Variants in HS6ST2 observed in about 807,000 individuals in gnomAD.
The protein encoded by HS6ST2 is heparan sulfate 6-O-sulfotransferase 2.
HS6ST2 carries 17 observed loss-of-function variants against 33.0 expected under a neutral mutation model. That is an observed-to-expected ratio of 0.52 (90% CI 0.35 to 0.77). The LOEUF is 0.77. Among genes scored for constraint, HS6ST2 ranks in the 30% least tolerant of loss-of-function variants. The probability of loss-of-function intolerance (pLI) is 0.01; values close to 1 mark genes in which losing one functional copy is unlikely to be tolerated. For missense variants in HS6ST2, 519 were observed against 551.7 expected, an observed-to-expected ratio of 0.94 and a Z score of 0.59; for synonymous variants, 248 against 237.1, an observed-to-expected ratio of 1.05 and a Z score of -0.42.
At chrX:132,952,057 T>G (rs1167912837) in intron 2 of HS6ST2, among the ~76,000 whole-genome samples, 1 of 112,001 alleles carries the variant, frequency 8.9e-6, no homozygotes, top group Non-Finnish European at 1.9e-5. Flanking sequence ...TGTCATTACA[T>G]ACTACCTCAG....
chrX:132,674,308 T>C (rs1256830650), intron 3 of HS6ST2, among the ~76,000 whole-genome samples: 1 of 112,095 alleles, frequency 8.9e-6, no homozygotes, highest in Non-Finnish European at 1.9e-5. Context: ...AATCCCAGGT[T>C]CTAATCCTGG....
At chrX:132,645,838 CCTCTTT>C (rs1449457238) in intron 4 of HS6ST2, among the ~76,000 whole-genome samples, 1 of 111,698 alleles carries the variant, frequency 9.0e-6, no homozygotes, top group African/African-American at 3.3e-5. Context: ...GGAATAGCAC[CCTCTTT>C]CTCTTCTACT....
chrX:132,684,919 C>T (rs998020605), intron 3 of HS6ST2, among the ~76,000 whole-genome samples: 1 of 111,823 alleles, frequency 8.9e-6, no homozygotes, highest in African/African-American at 3.3e-5. Context: ...CTAGCAATTC[C>T]TCATGAAACC....
At chrX:132,946,794 G>A (rs934792980) in intron 2 of HS6ST2, among the ~76,000 whole-genome samples, 7 of 111,759 alleles carry the variant, frequency 6.3e-5, no homozygotes, top group African/African-American at 9.7e-5. Flanking sequence ...GAGGGTTGTC[G>A]TGAGAATTAA....
intron 2 of HS6ST2, among the ~76,000 whole-genome samples, chrX:132,808,069 G>A (rs1291372866): frequency 8.9e-6 from 1 of 111,964 alleles, no homozygotes; most frequent in Non-Finnish European, 1.9e-5. Flanking sequence ...TCTCGCCCTT[G>A]TGGAGCTGCT....
intron 2 of HS6ST2, among the ~76,000 whole-genome samples, chrX:132,939,089 T>G (rs2066858653): frequency 9.0e-6 from 1 of 110,699 alleles, no homozygotes; most frequent in Non-Finnish European, 1.9e-5. Flanking sequence ...CAAACAGATG[T>G]CATGTGACCT....
At chrX:132,631,948 G>C (rs997082319) in intron 4 of HS6ST2, among the ~76,000 whole-genome samples, 2 of 111,546 alleles carry the variant, frequency 1.8e-5, no homozygotes, top group African/African-American at 6.5e-5. Context: ...AACATGGATA[G>C]AGAGAAGGCA....
chrX:132,732,876 C>T (rs1361947217), intron 2 of HS6ST2, among the ~76,000 whole-genome samples: 1 of 112,048 alleles, frequency 8.9e-6, no homozygotes, highest in African/African-American at 3.2e-5. Context: ...CCTCTGCTCT[C>T]TGGGCCTCAG....
intron 2 of HS6ST2, among the ~76,000 whole-genome samples, chrX:132,785,477 T>C (rs1046163045): frequency 3.6e-5 from 4 of 112,134 alleles, no homozygotes; most frequent in African/African-American, 1.3e-4. Flanking sequence ...TGAAATCTAA[T>C]CTCTAGCATT....
At chrX:132,723,264 C>T (rs141344653) in intron 2 of HS6ST2, among the ~76,000 whole-genome samples, 1 of 111,754 alleles carries the variant, frequency 8.9e-6, no homozygotes, top group Non-Finnish European at 1.9e-5. Context: ...AGAGCTAATA[C>T]CAATCCTACT....
At chrX:132,829,177 C>CATATATATATATATATATAT (rs71855456) in intron 2 of HS6ST2, among the ~76,000 whole-genome samples, 16 of 63,637 alleles carry the variant, frequency 2.5e-4, no homozygotes, top group Admixed American at 6.1e-4. Context: ...AGGTAAGGAA[C>CATATATATATATATATATAT]ATATATATAT....
intron 2 of HS6ST2, among the ~76,000 whole-genome samples, chrX:132,782,375 G>C (rs1168091639): frequency 1.8e-5 from 2 of 111,955 alleles, no homozygotes; most frequent in Non-Finnish European, 3.8e-5. Context: ...AGCAGATTCA[G>C]AGAGACTTTT....
At chrX:132,743,092 C>T (rs1260741657) in intron 2 of HS6ST2, among the ~76,000 whole-genome samples, 4 of 112,348 alleles carry the variant, frequency 3.6e-5, no homozygotes, top group Non-Finnish European at 7.5e-5. Flanking sequence ...AATTAAAAAA[C>T]GCAACCAAAA....
At chrX:132,633,142 T>A (rs1208379963) in intron 4 of HS6ST2, among the ~76,000 whole-genome samples, 3 of 106,427 alleles carry the variant, frequency 2.8e-5, no homozygotes, top group Non-Finnish European at 5.8e-5. Context: ...AGGATCAGCA[T>A]GAGCAGAGGC....
chrX:132,738,801 A>T (rs924810626), intron 2 of HS6ST2, among the ~76,000 whole-genome samples: 3 of 112,034 alleles, frequency 2.7e-5, no homozygotes, highest in Non-Finnish European at 5.6e-5. Flanking sequence ...GTGGCCCCAC[A>T]TCCAAGCACA....
chrX:132,800,127 G>A lies in HS6ST2; in HGVS notation c.948-91633C>T, dbSNP rs375635082. On this transcript the variant is annotated intron_variant, in intron 2 of 4. Coordinates refer to ENST00000370833, the MANE Select transcript of HS6ST2 (RefSeq NM_001394073.1). The stretch of plus-strand genomic sequence containing the variant: ...AGCAGGAGGTGAGCGGTAGATGAGC[G>A]AGCTAAGCTTCATCTGTATTTACAG... Among the ~76,000 whole-genome samples the A allele has an allele frequency of 1.2e-4, 13 of 111,912 alleles. No homozygotes were observed. The East Asian group carries it at 3.1e-3, about 27-fold the overall frequency.
At chrX:132,747,738 A>G (rs1021219866) in intron 2 of HS6ST2, among the ~76,000 whole-genome samples, 1 of 110,415 alleles carries the variant, frequency 9.1e-6, no homozygotes, top group African/African-American at 3.3e-5. Context: ...CCAAGGTTAG[A>G]CAGGCACAGG....
At chrX:132,909,270 C>T (rs1006794858) in intron 2 of HS6ST2, among the ~76,000 whole-genome samples, 2 of 112,335 alleles carry the variant, frequency 1.8e-5, no homozygotes, top group African/African-American at 6.5e-5. Context: ...CATGAAAATG[C>T]CAAAATTTTA....
intron 2 of HS6ST2, among the ~76,000 whole-genome samples, chrX:132,839,077 T>C (rs866553841): frequency 2.4e-5 from 1 of 41,190 alleles, no homozygotes; most frequent in Admixed American, 2.0e-4. Flanking sequence ...TGAAGATTCC[T>C]CAAAAAAAAA....
Sources: allele counts gnomAD v4.1 joint callset (sites outside exome capture counted in the v4.1 genomes callset), GRCh38; gene constraint gnomAD v4.1.1; transcripts MANE v1.5; gene names NCBI Gene and HGNC (gene_info 2026-07-23, HGNC 2026-07-21).